Variants in RAP1B observed in about 807,000 individuals in gnomAD.
The protein encoded by RAP1B is RAP1B, member of RAS oncogene family.
RAP1B carries 1 observed loss-of-function variant against 27.5 expected under a neutral mutation model. The observed-to-expected ratio is 0.04, with a 90% CI of 0.01 to 0.17. The LOEUF is 0.17. Ranked by LOEUF, RAP1B falls within the 10% of genes least tolerant of loss-of-function variation. The probability of loss-of-function intolerance (pLI) is 1.00; values close to 1 mark genes in which losing one functional copy is unlikely to be tolerated. For missense variants in RAP1B, 84 were observed against 214.8 expected (o/e 0.39, Z 3.81); for synonymous variants, 75 against 73.1 (o/e 1.03, Z -0.13).
Position 68,664,703 on chromosome 12 carries a change from C to CA in RAP1B, c.*5462dup, listed in dbSNP as rs111912776. 0.19 allele frequency: 27,925 copies of CA among 148,092 alleles called. 3,199 individuals are homozygous for CA. Among genetic ancestry groups the CA allele is most frequent in the South Asian group, 0.47 (2,193 of 4,710 alleles). 9.2% of individuals were successfully genotyped at this position (148,092 alleles called of 1,614,324 possible). On this transcript the variant is annotated 3_prime_UTR_variant, in exon 8 of 8. Transcript: ENST00000250559. ...CAGCATGGGCAACAGAGTGAGACTG[C>CA]AAAAAAAAGAAAAAGAAAAAAAAAT...
intron 1 of RAP1B, among the ~76,000 whole-genome samples, chr12:68,625,169 T>G (rs753517525): frequency 2.6e-5 from 4 of 152,220 alleles, no homozygotes; most frequent in African/African-American, 7.2e-5. Context: ...AAGTAAGTAA[T>G]TAAGTGTTTA....
Position 68,662,080 on chromosome 12 carries a change from A to AGTG in RAP1B, c.*2833_*2835dup, listed in dbSNP as rs1188524623. Reference sequence around the variant, plus strand: ...GAGAGTATATATATATATGTAGTACAGTGGAGGTCTATATAATACTATATA... The same window carrying AGTG: ...GAGAGTATATATATATATGTAGTACAGTGGTGGAGGTCTATATAATACTATATA... On this transcript the variant is annotated 3_prime_UTR_variant, in exon 8 of 8. Transcript: ENST00000250559. The AGTG allele has an allele frequency of 6.8e-6, 1 of 147,962 alleles. No homozygotes were observed. The highest frequency in any genetic ancestry group is 2.5e-5 in the African/African-American group (1 of 40,602). The allele number at this position is 147,962 out of a possible 1,614,324, so 9.2% of individuals were successfully genotyped here.
intron 1 of RAP1B, among the ~76,000 whole-genome samples, chr12:68,638,238 T>G (rs2135943938): frequency 6.6e-6 from 1 of 152,316 alleles, no homozygotes; most frequent in East Asian, 1.9e-4. Context: ...CTTCCCAGTC[T>G]TAATCTCTGT....
chr12:68,616,076 G>A lies in RAP1B; in HGVS notation c.-27+5033G>A, dbSNP rs967171840. Among the ~76,000 whole-genome samples, 5 of 151,174 alleles carry A rather than the reference G, an allele frequency of 3.3e-5. No homozygotes were observed. The South Asian group carries it at 8.4e-4, about 25-fold the overall frequency. The stretch of plus-strand genomic sequence containing the variant: ...CCTCCAGGGTTCACGCCATTCACCT[G>A]CCTCAGCCTCCCGAGTAGCTGAGAC... On this transcript the variant is annotated intron_variant, in intron 1 of 7. Transcript: ENST00000250559.
intron 1 of RAP1B, among the ~76,000 whole-genome samples, chr12:68,621,240 C>T (rs1477602801): frequency 1.3e-5 from 2 of 150,864 alleles, no homozygotes; most frequent in Non-Finnish European, 3.0e-5. Flanking sequence ...AGCTTTAGTG[C>T]TCCCTATATT....
At chr12:68,637,223 CTT>C (rs1872686395) in intron 1 of RAP1B, among the ~76,000 whole-genome samples, 1 of 152,226 alleles carries the variant, frequency 6.6e-6, no homozygotes, top group East Asian at 1.9e-4. Context: ...ACATGTAAAT[CTT>C]TAATAAACAG....
At chr12:68,622,271 A>T (rs1871437348) in intron 1 of RAP1B, among the ~76,000 whole-genome samples, 1 of 152,228 alleles carries the variant, frequency 6.6e-6, no homozygotes, top group African/African-American at 2.4e-5. Context: ...GTCTGGACTC[A>T]CAGGAGCTTC....
In RAP1B at chr12:68,661,368, A is replaced by G. The variant is rs979482554; in HGVS notation, c.*2119A>G. ...TACTTTTAATAAATGTTTGCTGCCT[A>G]CCAGCTATGTACCAGGCCCAGTTCT... On this transcript the variant is annotated 3_prime_UTR_variant, in exon 8 of 8. Coordinates refer to ENST00000250559, the MANE Select transcript of RAP1B (RefSeq NM_001010942.3). 1 of 152,142 alleles carries G rather than the reference A, an allele frequency of 6.6e-6. No homozygotes were observed. Among genetic ancestry groups the G allele is most frequent in the South Asian group, 2.1e-4 (1 of 4,834 alleles). 9.4% of individuals were successfully genotyped at this position (152,142 alleles called of 1,614,324 possible).
intron 5 of RAP1B, among the ~76,000 whole-genome samples, chr12:68,656,011 T>C (rs1216678726): frequency 6.6e-6 from 1 of 152,202 alleles, no homozygotes; most frequent in South Asian, 2.1e-4. Context: ...ATTGACTAGG[T>C]TGTGTTCATT....
intron 1 of RAP1B, among the ~76,000 whole-genome samples, chr12:68,629,194 G>A (rs1174629677): frequency 1.3e-5 from 2 of 152,084 alleles, no homozygotes; most frequent in Non-Finnish European, 2.9e-5. Context: ...TCCCAGTCTG[G>A]TATCGAACTC....
rs188598912 is a variant in RAP1B, at chr12:68,618,082, A to G, written c.-27+7039A>G. Reference sequence around the variant, plus strand: ...CCAGCTGTATTAGTTCTTGTTCTATAAAGCTTTTTTTTTTTTTTTTTTTTT... The same window carrying G: ...CCAGCTGTATTAGTTCTTGTTCTATGAAGCTTTTTTTTTTTTTTTTTTTTT... On this transcript the variant is annotated intron_variant, in intron 1 of 7. Transcript: ENST00000250559. Among the ~76,000 whole-genome samples the G allele has an allele frequency of 5.2e-3, 676 of 130,194 alleles. 6 individuals are homozygous for G. Among genetic ancestry groups the G allele is most frequent in the South Asian group, 0.019 (66 of 3,460 alleles). The allele number at this position is 130,194 out of a possible 152,430, so 85.4% of individuals were successfully genotyped here. A position where few individuals can be genotyped will look rare whatever the true frequency, so the allele number is the denominator to read the frequency against.
intron 1 of RAP1B, chr12:68,642,390 A>C (rs1657966149): frequency 2.1e-6 from 1 of 487,280 alleles, no homozygotes; most frequent in Non-Finnish European, 3.8e-6. Context: ...CTGAGTTAGC[A>C]ATGAGAGATA....
At chr12:68,648,940 A>G in intron 2 of RAP1B, 159 bp downstream of exon 2, 1 of 628,920 alleles carries the variant, frequency 1.6e-6, no homozygotes, top group Non-Finnish European at 2.7e-6. Flanking sequence ...TTTTAATTAT[A>G]TCTGGGTGGA....
intron 1 of RAP1B, among the ~76,000 whole-genome samples, chr12:68,619,474 T>C (rs1315308783): frequency 1.3e-5 from 2 of 152,208 alleles, no homozygotes; most frequent in Non-Finnish European, 2.9e-5. Context: ...AAGAAATCTT[T>C]ACAAAGTGTC....
chr12:68,660,141 G>T lies in RAP1B; in HGVS notation c.*892G>T, dbSNP rs1377501308. On this transcript the variant is annotated 3_prime_UTR_variant, in exon 8 of 8. Coordinates refer to ENST00000250559, the MANE Select transcript of RAP1B (RefSeq NM_001010942.3). Reference sequence around the variant, plus strand: ...TGTATTTGCAATACCAAATATACAGGTTTAGTATTTTTGCCTGTTAGTGAT... The same window carrying T: ...TGTATTTGCAATACCAAATATACAGTTTTAGTATTTTTGCCTGTTAGTGAT... 15 of 115,760 alleles carry T rather than the reference G, an allele frequency of 1.3e-4. No homozygotes were observed. Among genetic ancestry groups the T allele is most frequent in the African/African-American group, 5.2e-4 (15 of 28,774 alleles). The allele number at this position is 115,760 out of a possible 1,614,324, so 7.2% of individuals were successfully genotyped here.
At chr12:68,618,742 T>G (rs1020481723) in intron 1 of RAP1B, among the ~76,000 whole-genome samples, 1 of 137,556 alleles carries the variant, frequency 7.3e-6, no homozygotes, top group African/African-American at 3.6e-5. Context: ...GCACTCAGAT[T>G]TTTTTTTAAG....
At position 68,627,091 on chromosome 12, in the gene RAP1B, G is replaced by C. The variant is rs1871849378; in HGVS notation, c.-27+16048G>C. ...TCAATCACATGCTCCTTGTTCTGCA[G>C]CTTGGTGTGAATGGAGATGATAACT... On this transcript the variant is annotated intron_variant, in intron 1 of 7. Transcript: ENST00000250559. 1.2e-5 allele frequency: 19 copies of C among 1,592,952 alleles called. No homozygotes were observed. The South Asian group carries it at 1.9e-4, about 16-fold the overall frequency.
intron 1 of RAP1B, among the ~76,000 whole-genome samples, chr12:68,632,146 GT>G (rs1168683591): frequency 3.7e-5 from 4 of 107,986 alleles, no homozygotes; most frequent in Admixed American, 9.3e-5. Flanking sequence ...TTTTTTTTTT[GT>G]TTGTTTTTTT....
chr12:68,656,406 C>T lies in RAP1B; in HGVS notation c.425C>T (p.Ala142Val). 2 of 1,610,994 alleles carry T rather than the reference C, an allele frequency of 1.2e-6. No individual in the cohort carries two copies. The highest frequency in any genetic ancestry group is 1.7e-6 in the Non-Finnish European group (2 of 1,177,396). The change falls in exon 6 of 8, where the codon GCA becomes GTA. Residue 142 changes from alanine (A) to valine (V), a missense_variant. Ala to Val is a moderately conservative substitution (Grantham distance 64). Transcript: ENST00000250559. ...CTAGCAAGACAATGGAACAACTGTG[C>T]ATTCTTAGAATCTTCTGCAAAATCA... is the stretch of plus-strand genomic sequence containing the variant. ...QNLARQWNNC[A>V]FLESSAKSKI...
Sources: gnomAD v4.1 joint callset for allele counts (sites outside exome capture counted in the v4.1 genomes callset) on GRCh38, gnomAD v4.1.1 for gene constraint, MANE v1.5 for transcripts, NCBI Gene and HGNC (gene_info 2026-07-23, HGNC 2026-07-21) for gene names.